The following SLC44A2 variants were observed in gnomAD, a reference collection of about 807,000 sequenced individuals.
SLC44A2 encodes the protein solute carrier family 44 member 2 (CTL2 blood group), also known as choline transporter-like protein 2.
In SLC44A2, 57 loss-of-function variants were observed where a neutral mutation model predicts 90.8. That is an observed-to-expected ratio of 0.63 (90% CI 0.51 to 0.78). SLC44A2 has a LOEUF of 0.78. Ranked by LOEUF, SLC44A2 falls within the 30% of genes least tolerant of loss-of-function variation. The pLI, the probability that SLC44A2 is intolerant of heterozygous loss-of-function variation, is 0.00. For synonymous variants in SLC44A2, 355 were observed against 360.7 expected, an observed-to-expected ratio of 0.98 and a Z score of 0.18; for missense variants, 794 against 919.7, an observed-to-expected ratio of 0.86 and a Z score of 1.77.
At chr19:10,631,818 G>A (rs2066998963) in intron 8 of SLC44A2, 50 bp from the exon 9 acceptor site, 2 of 1,614,138 alleles carry the variant, frequency 1.2e-6, no homozygotes, top group Non-Finnish European at 1.7e-6. Context: ...CCTGTGGTTG[G>A]CCTGATCATG....
At chr19:10,619,988 AT>A (rs559966724) in intron 1 of SLC44A2, among the ~76,000 whole-genome samples, 62 of 152,164 alleles carry the variant, frequency 4.1e-4, no homozygotes, top group South Asian at 6.2e-4. Context: ...CCTGGGCAAC[AT>A]GGTGAAATCC....
chr19:10,642,283 GGTCCCAGCATAGGAT>G lies in SLC44A2; in HGVS notation c.1930-82_1930-68del, dbSNP rs1467585843. 35 of 1,117,326 alleles carry G rather than the reference GGTCCCAGCATAGGAT, an allele frequency of 3.1e-5. No individual in the cohort carries two copies. In the African/African-American group the frequency reaches 5.1e-4, roughly 16 times the overall value. 69.2% of individuals were successfully genotyped at this position (1,117,326 alleles called of 1,614,324 possible). A position where few individuals can be genotyped will look rare whatever the true frequency, so the allele number is the denominator to read the frequency against. On this transcript the variant is annotated intron_variant, in intron 20 of 21. Coordinates refer to ENST00000335757, the MANE Select transcript of SLC44A2 (RefSeq NM_020428.4). Reference sequence around the variant, plus strand: ...GGGTTTCTCAGCAGGGGAAGGATGTGGTCCCAGCATAGGATGGACTCAGGGGGTGGGGGCTGCTCT... The same window carrying G: ...GGGTTTCTCAGCAGGGGAAGGATGTGGGACTCAGGGGGTGGGGGCTGCTCT...
chr19:10,625,531 A>T, upstream of SLC44A2: 1 of 1,227,686 alleles, frequency 8.1e-7, no homozygotes, highest in South Asian at 4.1e-5. Flanking sequence ...TGCTGGGAGG[A>T]GCCGCCGCCA....
intron 1 of SLC44A2, among the ~76,000 whole-genome samples, chr19:10,619,701 C>A (rs577377058): frequency 6.6e-6 from 1 of 152,186 alleles, no homozygotes; most frequent in South Asian, 2.1e-4. Context: ...CACCTGTAAT[C>A]CCAGCACTTC....
chr19:10,634,029 G>T (rs2067025143), intron 10 of SLC44A2, among the ~76,000 whole-genome samples: 1 of 144,384 alleles, frequency 6.9e-6, no homozygotes, highest in Non-Finnish European at 1.5e-5. Flanking sequence ...GGAGTGCAGT[G>T]GCGCGATCTC....
chr19:10,643,267 C>G lies in SLC44A2; in HGVS notation c.2015-12C>G. On this transcript the variant is annotated splice_polypyrimidine_tract_variant and intron_variant, in intron 21 of 21. Transcript: ENST00000335757. ...CCCCTCATGCCTCCTGCTCTGGGAC[C>G]TCTCTCCACAGTGGAGGACCTGGAG... 1.2e-6 allele frequency: 2 copies of G among 1,606,118 alleles called. No individual in the cohort carries two copies. Among genetic ancestry groups the G allele is most frequent in the South Asian group, 2.2e-5 (2 of 89,848 alleles).
At chr19:10,624,368 A>G (rs2066913600), upstream of SLC44A2, among the ~76,000 whole-genome samples, 2 of 151,602 alleles carry the variant, frequency 1.3e-5, no homozygotes, top group East Asian at 3.9e-4. Flanking sequence ...CAGTGAGGCA[A>G]TCTTGGCTCA....
At chr19:10,611,225 G>A (rs1918296176) in intron 1 of SLC44A2, among the ~76,000 whole-genome samples, 1 of 151,932 alleles carries the variant, frequency 6.6e-6, no homozygotes, top group South Asian at 2.1e-4. Context: ...GCCCAGGCGG[G>A]TAGGTCACTT....
In SLC44A2 at chr19:10,610,840, A is replaced by T. The variant is rs1483633077; in HGVS notation, c.31+8279A>T. Among the ~76,000 whole-genome samples, 3 of 145,588 alleles carry T rather than the reference A, an allele frequency of 2.1e-5. No individual in the cohort carries two copies. In the East Asian group the frequency reaches 6.3e-4, roughly 31 times the overall value. On this transcript the variant is annotated intron_variant, in intron 1 of 21. Coordinates refer to the SLC44A2 transcript ENST00000407327. ...TTTTTAGTAGAGACGGGGTTTCACC[A>T]TGTTGGCCAGGCTGGTCTGGAACTC...
chr19:10,638,999 A>G (rs1332813836), intron 20 of SLC44A2, among the ~76,000 whole-genome samples: 1 of 151,640 alleles, frequency 6.6e-6, no homozygotes, highest in Admixed American at 6.6e-5. Context: ...GGGTTTCTCC[A>G]TGTTGGTCAG....
rs144375948 is a variant in SLC44A2 at position 10,634,853 on chromosome 19, G to A, written c.921G>A (p.Val307=). 53 of 1,614,158 alleles carry A rather than the reference G, an allele frequency of 3.3e-5. No individual in the cohort carries two copies. Among genetic ancestry groups the A allele is most frequent in the Non-Finnish European group, 4.1e-5 (48 of 1,180,030 alleles). ...VDLGFQTDFR[V]YLHLRQTWLA... is the part of the protein sequence containing the mutation. ...TCGGCTTTCAGACGGATTTCCGGGTGTACCTGCACTTACGGCAGACCTGGT... is the reference window on the plus strand; with the variant it reads ...TCGGCTTTCAGACGGATTTCCGGGTATACCTGCACTTACGGCAGACCTGGT... The change falls in exon 11 of 22, where the codon GTG becomes GTA. Residue 307 remains valine (V), a synonymous_variant. Coordinates refer to ENST00000335757, the MANE Select transcript of SLC44A2 (RefSeq NM_020428.4).
chr19:10,609,490 G>A (rs1918221125), intron 1 of SLC44A2, among the ~76,000 whole-genome samples: 1 of 151,926 alleles, frequency 6.6e-6, no homozygotes, highest in Admixed American at 6.6e-5. Flanking sequence ...AGTAGAGACT[G>A]GGTTTTGCCA....
intron 1 of SLC44A2, among the ~76,000 whole-genome samples, chr19:10,610,524 C>T (rs1301635270): frequency 3.4e-5 from 5 of 147,314 alleles, no homozygotes; most frequent in Non-Finnish European, 7.4e-5. Context: ...TTAGTAGAAA[C>T]GGGGTTTCAC....
upstream of SLC44A2, chr19:10,625,422 G>A: frequency 8.5e-7 from 1 of 1,179,422 alleles, no homozygotes; most frequent in Non-Finnish European, 1.1e-6. Flanking sequence ...AGTGGCGGGA[G>A]CAGCTGCAGC....
chr19:10,609,707 C>T (rs540057110), intron 1 of SLC44A2, among the ~76,000 whole-genome samples: 1 of 152,212 alleles, frequency 6.6e-6, no homozygotes, highest in African/African-American at 2.4e-5. Context: ...TCAAGTGATC[C>T]TCCCACCTCA....
At chr19:10,639,174 TC>T (rs1241633546) in intron 20 of SLC44A2, among the ~76,000 whole-genome samples, 1 of 152,090 alleles carries the variant, frequency 6.6e-6, no homozygotes, top group Non-Finnish European at 1.5e-5. Context: ...CCTCAAGTGA[TC>T]CGCCCGCCTC....
chr19:10,610,968 G>A (rs1217132114), intron 1 of SLC44A2, among the ~76,000 whole-genome samples: 2 of 151,368 alleles, frequency 1.3e-5, no homozygotes, highest in Non-Finnish European at 2.9e-5. Context: ...TTTCCCAATC[G>A]ATCCCCAAGG....
At chr19:10,621,461 T>C (rs1456800541), upstream of SLC44A2, among the ~76,000 whole-genome samples, 2 of 149,792 alleles carry the variant, frequency 1.3e-5, no homozygotes, top group African/African-American at 2.5e-5. Flanking sequence ...GGGTTTTCTT[T>C]TAGATGGAGT....
chr19:10,616,457 T>C (rs1318335858), intron 1 of SLC44A2, among the ~76,000 whole-genome samples: 1 of 152,114 alleles, frequency 6.6e-6, no homozygotes, highest in African/African-American at 2.4e-5. Context: ...TCTTGCCTGT[T>C]GCTTAGTCTG....
Sources: allele counts gnomAD v4.1 joint callset (sites outside exome capture counted in the v4.1 genomes callset), GRCh38; gene constraint gnomAD v4.1.1; transcripts MANE v1.5; gene names NCBI Gene and HGNC (gene_info 2026-07-23, HGNC 2026-07-21).